SRSF4: variants seen among roughly 807,000 people sequenced by gnomAD.
SRSF4 encodes the protein serine/arginine-rich splicing factor 4.
SRSF4 carries 12 observed loss-of-function variants against 48.8 expected under a neutral mutation model. The observed-to-expected ratio is 0.25, with a 90% confidence interval of 0.16 to 0.40. The LOEUF (loss-of-function observed/expected upper bound fraction) is 0.40. Ranked by LOEUF, SRSF4 falls within the 10% of genes least tolerant of loss-of-function variation. The pLI, the probability that SRSF4 is intolerant of heterozygous loss-of-function variation, is 1.00. For missense variants in SRSF4, 466 were observed against 667.1 expected, an observed-to-expected ratio of 0.70 and a Z score of 3.32; for synonymous variants, 248 against 232.5, an observed-to-expected ratio of 1.07 and a Z score of -0.61.
Position 29,148,868 on chromosome 1 carries a change from GGCTCCTGCTGCCCCCTTT to G in SRSF4, c.1009_1026del (p.Lys337_Ser342del), listed in dbSNP as rs752351280. Reference sequence around the variant, plus strand: ...TTGCTCTTGCTGCGGCTCCTGCTCCGGCTCCTGCTGCCCCCTTTGCTCCTGCTCCGGCTCCGACTCTGG... The same window carrying G: ...TTGCTCTTGCTGCGGCTCCTGCTCCGGCTCCTGCTCCGGCTCCGACTCTGG... On this transcript the variant is annotated inframe_deletion, in exon 6 of 6. Coordinates refer to ENST00000373795, the MANE Select transcript of SRSF4 (RefSeq NM_005626.5). The G allele has an allele frequency of 2.5e-6, 4 of 1,600,938 alleles. No individual in the cohort carries two copies. The highest frequency in any genetic ancestry group is 2.7e-5 in the African/African-American group (2 of 73,538).
At chr1:29,180,168 A>C (rs2151830025) in intron 1 of SRSF4, among the ~76,000 whole-genome samples, 1 of 152,354 alleles carries the variant, frequency 6.6e-6, no homozygotes, top group African/African-American at 2.4e-5. Flanking sequence ...TGGAACCAGG[A>C]TTTGACTTAG....
intron 3 of SRSF4, among the ~76,000 whole-genome samples, chr1:29,157,653 G>C (rs1171593411): frequency 6.6e-6 from 1 of 152,128 alleles, no homozygotes; most frequent in Non-Finnish European, 1.5e-5. Flanking sequence ...AAACAAAAAA[G>C]TGCTTTAAAT....
chr1:29,162,758 G>A (rs780203445), intron 1 of SRSF4, among the ~76,000 whole-genome samples: 11 of 152,216 alleles, frequency 7.2e-5, no homozygotes, highest in Non-Finnish European at 1.6e-4. Flanking sequence ...GGACATCACC[G>A]AATCCTGAGG....
intron 1 of SRSF4, chr1:29,169,766 T>C (rs1044128855): frequency 3.3e-5 from 5 of 152,030 alleles, no homozygotes; most frequent in Non-Finnish European, 5.9e-5. Flanking sequence ...TAACAGCCCA[T>C]CTCTAACAGA....
At chr1:29,167,057 T>A (rs1011219052) in intron 1 of SRSF4, 21 of 152,258 alleles carry the variant, frequency 1.4e-4, no homozygotes, top group African/African-American at 5.1e-4. Context: ...AGTTTTCTCA[T>A]TTGCTGGGCC....
chr1:29,156,810 G>A (rs917562920), intron 3 of SRSF4, among the ~76,000 whole-genome samples: 15 of 152,232 alleles, frequency 9.9e-5, no homozygotes, highest in Admixed American at 9.8e-4. Context: ...GAGAGGTTAA[G>A]AGTGCATAAA....
At chr1:29,165,745 TA>T (rs1672661362) in intron 1 of SRSF4, 1 of 152,228 alleles carries the variant, frequency 6.6e-6, no homozygotes, top group Non-Finnish European at 1.5e-5. Context: ...CAGAAACTGC[TA>T]GGGAGTGGGT....
intron 1 of SRSF4, among the ~76,000 whole-genome samples, chr1:29,167,792 C>A (rs1030907138): frequency 3.9e-5 from 6 of 152,194 alleles, no homozygotes; most frequent in African/African-American, 1.4e-4. Context: ...GGCTATTTAG[C>A]ACAGTGCCTG....
chr1:29,150,083 T>C lies in SRSF4; in HGVS notation c.668+20A>G, dbSNP rs757186110. The C allele has an allele frequency of 2.5e-5, 40 of 1,606,306 alleles. 1 individual carries two copies. In the South Asian group the frequency reaches 4.4e-4, roughly 18 times the overall value. ...GGCATTCCCTGCTGACCACCTCTAC[T>C]TATAACATGGAAGACATACCTGGAC... On this transcript the variant is annotated intron_variant, in intron 5 of 5. Coordinates refer to ENST00000373795, the MANE Select transcript of SRSF4 (RefSeq NM_005626.5).
At chr1:29,160,599 C>T (rs1672580071) in intron 1 of SRSF4, 82 bp from the exon 2 acceptor site, 1 of 1,450,156 alleles carries the variant, frequency 6.9e-7, no homozygotes, top group Non-Finnish European at 9.2e-7. Flanking sequence ...CAATGAGGTT[C>T]ATGCTTAGCA....
intron 4 of SRSF4, 73 bp from the exon 5 acceptor site, chr1:29,150,265 A>G: frequency 1.3e-6 from 1 of 784,214 alleles, no homozygotes; most frequent in Non-Finnish European, 1.8e-6. Flanking sequence ...GACTATATAT[A>G]TTATATATAT....
chr1:29,164,884 T>C (rs78750825), intron 1 of SRSF4, among the ~76,000 whole-genome samples: 2 of 152,164 alleles, frequency 1.3e-5, no homozygotes, highest in African/African-American at 4.8e-5. Flanking sequence ...CTGCAATAGG[T>C]TGAGTATTCT....
chr1:29,174,844 T>G (rs1411102115), intron 1 of SRSF4, among the ~76,000 whole-genome samples: 2 of 151,800 alleles, frequency 1.3e-5, no homozygotes, highest in Non-Finnish European at 2.9e-5. Flanking sequence ...CAGCTAATTT[T>G]TGTATTTTTA....
chr1:29,177,470 A>G (rs1672887781), intron 1 of SRSF4, among the ~76,000 whole-genome samples: 1 of 152,006 alleles, frequency 6.6e-6, no homozygotes, highest in African/African-American at 2.4e-5. Context: ...TAGTAGAGAC[A>G]GGGGTTTCTC....
At chr1:29,156,833 G>T (rs1306327813) in intron 3 of SRSF4, among the ~76,000 whole-genome samples, 3 of 152,212 alleles carry the variant, frequency 2.0e-5, no homozygotes, top group African/African-American at 7.2e-5. Context: ...GTGGGGGCCA[G>T]GGGGCCAATT....
intron 1 of SRSF4, among the ~76,000 whole-genome samples, chr1:29,160,978 CT>C (rs963837891): frequency 3.3e-5 from 5 of 152,016 alleles, no homozygotes; most frequent in African/African-American, 1.2e-4. Context: ...AAGTAAAAAA[CT>C]TTTTTTTAAG....
chr1:29,177,677 G>C (rs1164413195), intron 1 of SRSF4, among the ~76,000 whole-genome samples: 1 of 152,076 alleles, frequency 6.6e-6, no homozygotes, highest in African/African-American at 2.4e-5. Context: ...GATCTTCGTT[G>C]TATTTGTGGT....
intron 4 of SRSF4, among the ~76,000 whole-genome samples, chr1:29,154,301 T>A (rs1002956283): frequency 6.6e-6 from 1 of 152,304 alleles, no homozygotes; most frequent in African/African-American, 2.4e-5. Flanking sequence ...TGACATCAGG[T>A]GATCCACCCA....
At chr1:29,178,806 G>A (rs541586669) in intron 1 of SRSF4, among the ~76,000 whole-genome samples, 1 of 152,220 alleles carries the variant, frequency 6.6e-6, no homozygotes, top group Admixed American at 6.5e-5. Flanking sequence ...ACTCTCCAGC[G>A]TTTTTGCCAT....
Sources: allele counts gnomAD v4.1 joint callset (sites outside exome capture counted in the v4.1 genomes callset), GRCh38; gene constraint gnomAD v4.1.1; transcripts MANE v1.5; gene names NCBI Gene and HGNC (gene_info 2026-07-23, HGNC 2026-07-21).